The following PDGFC variants were observed in gnomAD, a reference collection of about 807,000 sequenced individuals.
PDGFC encodes platelet derived growth factor C.
In PDGFC, 12 loss-of-function variants were observed where a neutral mutation model predicts 35.5. The ratio of observed to expected loss-of-function variants is 0.34; its 90% CI spans 0.22 to 0.55. PDGFC has a LOEUF of 0.55. Among genes scored for constraint, PDGFC ranks in the 20% least tolerant of loss-of-function variants. The pLI, the probability that PDGFC is intolerant of heterozygous loss-of-function variation, is 0.91. For synonymous variants in PDGFC, 159 were observed against 148.8 expected, an observed-to-expected ratio of 1.07 and a Z score of -0.50; for missense variants, 322 against 412.4, an observed-to-expected ratio of 0.78 and a Z score of 1.90.
intron 1 of PDGFC, among the ~76,000 whole-genome samples, chr4:156,911,636 T>C (rs1488894366): frequency 6.6e-6 from 1 of 152,106 alleles, no homozygotes; most frequent in Non-Finnish European, 1.5e-5. Context: ...ATTTCATACA[T>C]GAAAATTCTG....
chr4:156,859,359 A>G (rs1579060331), intron 1 of PDGFC, among the ~76,000 whole-genome samples: 1 of 152,098 alleles, frequency 6.6e-6, no homozygotes, highest in Non-Finnish European at 1.5e-5. Context: ...CAAGAAAAAT[A>G]CTAAATTTGG....
intron 1 of PDGFC, among the ~76,000 whole-genome samples, chr4:156,916,694 T>G (rs1731162964): frequency 6.6e-6 from 1 of 152,192 alleles, no homozygotes; most frequent in Admixed American, 6.5e-5. Flanking sequence ...AACTTGCTAC[T>G]CTCTCTGAAC....
intron 3 of PDGFC, among the ~76,000 whole-genome samples, chr4:156,793,961 T>A (rs955525536): frequency 1.3e-5 from 2 of 152,080 alleles, no homozygotes; most frequent in Non-Finnish European, 2.9e-5. Context: ...TTGGTTAAGG[T>A]CAGTAACTGA....
At chr4:156,938,829 AATAAT>A (rs1318275989) in intron 1 of PDGFC, among the ~76,000 whole-genome samples, 14 of 151,654 alleles carry the variant, frequency 9.2e-5, no homozygotes, top group African/African-American at 1.9e-4. Flanking sequence ...CAACATTATA[AATAAT>A]ATAAGTAAAC....
At chr4:156,798,447 G>A (rs1354997620) in intron 3 of PDGFC, among the ~76,000 whole-genome samples, 1 of 152,012 alleles carries the variant, frequency 6.6e-6, no homozygotes, top group African/African-American at 2.4e-5. Context: ...AACAGTGAAT[G>A]GCAAGTGAAC....
At chr4:156,865,186 G>GCACACACACACACACACACA (rs34323245) in intron 1 of PDGFC, among the ~76,000 whole-genome samples, 31 of 146,758 alleles carry the variant, frequency 2.1e-4, no homozygotes, top group African/African-American at 7.5e-4. Flanking sequence ...AGATACATGT[G>GCACACACACACACACACACA]CACACACACA....
intron 1 of PDGFC, among the ~76,000 whole-genome samples, chr4:156,902,053 C>T (rs1456784402): frequency 6.6e-6 from 1 of 152,104 alleles, no homozygotes; most frequent in Non-Finnish European, 1.5e-5. Context: ...TTTTGGAGTC[C>T]TCCACATAAA....
At chr4:156,961,242 T>G (rs2110971314) in intron 1 of PDGFC, among the ~76,000 whole-genome samples, 1 of 152,172 alleles carries the variant, frequency 6.6e-6, no homozygotes, top group Non-Finnish European at 1.5e-5. Context: ...GAAAAAAAGA[T>G]AAATAATTAT....
At chr4:156,862,421 T>C (rs1175235026) in intron 1 of PDGFC, among the ~76,000 whole-genome samples, 1 of 152,174 alleles carries the variant, frequency 6.6e-6, no homozygotes, top group Non-Finnish European at 1.5e-5. Flanking sequence ...ACATTCAAAA[T>C]TGAACACTGA....
intron 1 of PDGFC, among the ~76,000 whole-genome samples, chr4:156,915,776 G>C (rs1405199688): frequency 1.3e-5 from 2 of 151,992 alleles, no homozygotes; most frequent in Non-Finnish European, 2.9e-5. Context: ...GTGAGACTCT[G>C]CTTTAATTAA....
intron 1 of PDGFC, among the ~76,000 whole-genome samples, chr4:156,851,117 A>G (rs1729442089): frequency 6.6e-6 from 1 of 152,134 alleles, no homozygotes; most frequent in Non-Finnish European, 1.5e-5. Context: ...ATTTGGACCC[A>G]TAACTTCTGG....
intron 1 of PDGFC, among the ~76,000 whole-genome samples, chr4:156,931,366 G>A (rs186918725): frequency 5.9e-5 from 9 of 152,258 alleles, no homozygotes; most frequent in African/African-American, 2.2e-4. Context: ...TACTGGGAAG[G>A]AAACTTAAAT....
intron 5 of PDGFC, among the ~76,000 whole-genome samples, 157 bp from the exon 6 acceptor site, chr4:156,763,363 CAAAAAAAAAA>C (rs33986749): frequency 1.0e-5 from 1 of 97,160 alleles, no homozygotes; most frequent in African/African-American, 3.5e-5. Context: ...ACTCTCCCAC[CAAAAAAAAAA>C]AAAAAAAAAA....
At chr4:156,881,096 CAATT>C (rs1730230353) in intron 1 of PDGFC, among the ~76,000 whole-genome samples, 1 of 152,104 alleles carries the variant, frequency 6.6e-6, no homozygotes, top group Non-Finnish European at 1.5e-5. Context: ...AAAGAAGAGT[CAATT>C]GATGCAGCAA....
Position 156,877,093 on chromosome 4 carries a change from CTTTT to C in PDGFC, c.119-26681_119-26678del, listed in dbSNP as rs371299214. Among the ~76,000 whole-genome samples the C allele has an allele frequency of 8.2e-3, 1,244 of 151,814 alleles. 16 individuals carry two copies. Among genetic ancestry groups the C allele is most frequent in the African/African-American group, 0.028 (1,170 of 41,444 alleles). ...TACACACCTTTCTGTTTTCCTTTTT[CTTTT>C]TTTAATTTTTAATTTTGTGGGTACA... On this transcript the variant is annotated intron_variant, in intron 1 of 5. Coordinates refer to ENST00000502773, the MANE Select transcript of PDGFC (RefSeq NM_016205.3).
chr4:156,915,101 T>C (rs1041314902), intron 1 of PDGFC, among the ~76,000 whole-genome samples: 1 of 152,186 alleles, frequency 6.6e-6, no homozygotes, highest in Non-Finnish European at 1.5e-5. Context: ...GCTAAAGTCC[T>C]AGATTTTCAG....
chr4:156,838,444 G>T (rs1397479190), intron 2 of PDGFC, among the ~76,000 whole-genome samples: 3 of 152,196 alleles, frequency 2.0e-5, no homozygotes, highest in Non-Finnish European at 4.4e-5. Context: ...AGCTTTTGCG[G>T]AAAACTTTTT....
At chr4:156,925,047 A>G (rs565316760) in intron 1 of PDGFC, among the ~76,000 whole-genome samples, 1 of 152,300 alleles carries the variant, frequency 6.6e-6, no homozygotes, top group East Asian at 1.9e-4. Flanking sequence ...ATCTAAATTG[A>G]AAGAATAATC....
intron 1 of PDGFC, among the ~76,000 whole-genome samples, chr4:156,896,880 T>C (rs1452694102): frequency 6.6e-6 from 1 of 152,174 alleles, no homozygotes; most frequent in Non-Finnish European, 1.5e-5. Context: ...TAGACCCTTT[T>C]TGTTTTAGAA....
Sources: allele counts gnomAD v4.1 joint callset (sites outside exome capture counted in the v4.1 genomes callset), GRCh38; gene constraint gnomAD v4.1.1; transcripts MANE v1.5; gene names NCBI Gene and HGNC (gene_info 2026-07-23, HGNC 2026-07-21).